The following MLLT3 variants were observed in gnomAD, a reference collection of about 807,000 sequenced individuals.
MLLT3 encodes the protein protein AF-9.
A neutral mutation model predicts 53.2 loss-of-function variants in MLLT3; 4 were observed. That is an observed-to-expected ratio of 0.08 (90% confidence interval 0.04 to 0.17). The LOEUF (loss-of-function observed/expected upper bound fraction) is 0.17, where lower values mean the gene tolerates loss of function less well. MLLT3 is among the 10% of genes least tolerant of loss of function. The pLI, the probability that MLLT3 is intolerant of heterozygous loss-of-function variation, is 1.00. For missense variants in MLLT3, 569 were observed against 684.0 expected, an observed-to-expected ratio of 0.83 and a Z score of 1.87; for synonymous variants, 283 against 230.6, an observed-to-expected ratio of 1.23 and a Z score of -2.06.
intron 4 of MLLT3, among the ~76,000 whole-genome samples, chr9:20,442,574 G>GA (rs1823581936): frequency 1.3e-5 from 2 of 152,048 alleles, no homozygotes; most frequent in African/African-American, 4.8e-5. Flanking sequence ...CCCTACAAAG[G>GA]AAACACTAAA....
chr9:20,384,954 C>T (rs191620535), intron 5 of MLLT3, among the ~76,000 whole-genome samples: 1 of 152,094 alleles, frequency 6.6e-6, no homozygotes, highest in African/African-American at 2.4e-5. Flanking sequence ...TCTAGATTAT[C>T]TGGTCTTTCC....
At chr9:20,489,310 C>T (rs1202988849) in intron 2 of MLLT3, among the ~76,000 whole-genome samples, 3 of 152,180 alleles carry the variant, frequency 2.0e-5, no homozygotes, top group Middle Eastern at 3.4e-3. Context: ...ATGTAAATAT[C>T]CTATAAACAA....
chr9:20,499,924 T>G (rs948808680), intron 2 of MLLT3, among the ~76,000 whole-genome samples: 1 of 152,080 alleles, frequency 6.6e-6, no homozygotes, highest in African/African-American at 2.4e-5. Flanking sequence ...GGGGAACAGG[T>G]GTTAATGCAG....
chr9:20,368,485 C>T (rs549500264), intron 5 of MLLT3, among the ~76,000 whole-genome samples: 60 of 152,238 alleles, frequency 3.9e-4, no homozygotes, highest in African/African-American at 1.4e-3. Context: ...TTAAAGGAGC[C>T]ACTCTGCCAG....
intron 2 of MLLT3, among the ~76,000 whole-genome samples, chr9:20,518,253 G>A (rs1051550820): frequency 3.3e-5 from 5 of 152,090 alleles, no homozygotes; most frequent in Non-Finnish European, 4.4e-5. Context: ...GCTGAGGCAG[G>A]AGAAATCACT....
intron 5 of MLLT3, among the ~76,000 whole-genome samples, chr9:20,372,112 C>A (rs1821620762): frequency 6.6e-6 from 1 of 152,118 alleles, no homozygotes; most frequent in Non-Finnish European, 1.5e-5. Context: ...TTTTTGCAAT[C>A]TCATAAAATT....
At chr9:20,589,610 TA>T (rs1190764102) in intron 2 of MLLT3, among the ~76,000 whole-genome samples, 5 of 151,318 alleles carry the variant, frequency 3.3e-5, no homozygotes, top group Non-Finnish European at 5.9e-5. Context: ...AAAATTTTTT[TA>T]TAAAAAAAGA....
chr9:20,368,583 T>C (rs1279763613), intron 5 of MLLT3, among the ~76,000 whole-genome samples: 1 of 152,140 alleles, frequency 6.6e-6, no homozygotes, highest in African/African-American at 2.4e-5. Flanking sequence ...CATTACTCAT[T>C]TGTCTCAAGC....
chr9:20,444,998 G>A (rs1220212798), intron 4 of MLLT3, among the ~76,000 whole-genome samples: 2 of 151,732 alleles, frequency 1.3e-5, no homozygotes, highest in Non-Finnish European at 2.9e-5. Context: ...AGCTCAAGTG[G>A]GACGTTCATT....
At chr9:20,410,931 A>C (rs1822712042) in intron 5 of MLLT3, among the ~76,000 whole-genome samples, 1 of 152,188 alleles carries the variant, frequency 6.6e-6, no homozygotes, top group South Asian at 2.1e-4. Context: ...TCCAAAGTCC[A>C]TGATCTCTGC....
At chr9:20,546,284 T>C (rs116382971) in intron 2 of MLLT3, among the ~76,000 whole-genome samples, 2,893 of 152,144 alleles carry the variant, frequency 0.019, 97 homozygotes, top group African/African-American at 0.065. Context: ...CATTGCCACT[T>C]AAAAAATAAA....
chr9:20,545,977 C>A (rs1318058571), intron 2 of MLLT3, among the ~76,000 whole-genome samples: 1 of 152,022 alleles, frequency 6.6e-6, no homozygotes, highest in Non-Finnish European at 1.5e-5. Context: ...TATGATCGTG[C>A]CACTGCACCC....
intron 2 of MLLT3, among the ~76,000 whole-genome samples, chr9:20,522,881 A>T (rs1165036369): frequency 1.3e-5 from 2 of 152,082 alleles, no homozygotes; most frequent in African/African-American, 4.8e-5. Context: ...GAATCATCTG[A>T]GCTAAAGGAA....
At chr9:20,350,386 G>A (rs1001767635) in intron 10 of MLLT3, among the ~76,000 whole-genome samples, 3 of 152,166 alleles carry the variant, frequency 2.0e-5, no homozygotes, top group Non-Finnish European at 4.4e-5. Context: ...ACGAGGTCAG[G>A]AGATCAAGAC....
intron 2 of MLLT3, among the ~76,000 whole-genome samples, chr9:20,593,494 C>T (rs1209052538): frequency 2.0e-5 from 3 of 152,170 alleles, no homozygotes; most frequent in African/African-American, 4.8e-5. Context: ...CAAATAATCA[C>T]GCCAAGTATA....
At chr9:20,453,960 T>C (rs1308663840) in intron 3 of MLLT3, among the ~76,000 whole-genome samples, 1 of 152,170 alleles carries the variant, frequency 6.6e-6, no homozygotes, top group East Asian at 1.9e-4. Context: ...CATTATTATG[T>C]ATGAAATTTT....
At chr9:20,580,639 T>A (rs1819767251) in intron 2 of MLLT3, among the ~76,000 whole-genome samples, 2 of 152,232 alleles carry the variant, frequency 1.3e-5, no homozygotes, top group South Asian at 2.1e-4. Context: ...AGGGATGGAA[T>A]GACTTGAAAT....
chr9:20,588,494 T>G (rs1437372596), intron 2 of MLLT3, among the ~76,000 whole-genome samples: 1 of 152,240 alleles, frequency 6.6e-6, no homozygotes, highest in African/African-American at 2.4e-5. Context: ...TTCTTCGATT[T>G]GTTTGTAACC....
intron 2 of MLLT3, among the ~76,000 whole-genome samples, chr9:20,602,259 T>C (rs1476839693): frequency 1.3e-5 from 2 of 152,186 alleles, no homozygotes; most frequent in Admixed American, 6.5e-5. Context: ...TTTTCTGATT[T>C]ACTAAAATAA....
Sources: gnomAD v4.1 joint callset for allele counts (sites outside exome capture counted in the v4.1 genomes callset) on GRCh38, gnomAD v4.1.1 for gene constraint, MANE v1.5 for transcripts, NCBI Gene and HGNC (gene_info 2026-07-23, HGNC 2026-07-21) for gene names.